The following RTN4 variants were observed in gnomAD, a reference collection of about 807,000 sequenced individuals.
RTN4 encodes the protein reticulon 4, also known as reticulon-4.
In RTN4, 32 loss-of-function variants were observed where a neutral mutation model predicts 90.4. The ratio of observed to expected loss-of-function variants is 0.35; its 90% CI spans 0.27 to 0.48. The LOEUF (loss-of-function observed/expected upper bound fraction) is 0.48, where lower values mean the gene tolerates loss of function less well. Ranked by LOEUF, RTN4 falls within the 20% of genes least tolerant of loss-of-function variation. RTN4 has a pLI of 0.99. For synonymous variants in RTN4, 629 were observed against 552.5 expected, an observed-to-expected ratio of 1.14 and a Z score of -1.94; for missense variants, 1,706 against 1,430.2, an observed-to-expected ratio of 1.19 and a Z score of -3.11.
chr2:55,036,030 C>G (rs2104915162), intron 1 of RTN4, among the ~76,000 whole-genome samples: 1 of 152,212 alleles, frequency 6.6e-6, no homozygotes, highest in African/African-American at 2.4e-5. Context: ...TATAAAACAT[C>G]TAATGAATAG....
intron 3 of RTN4, among the ~76,000 whole-genome samples, chr2:55,002,812 G>A (rs529657356): frequency 6.6e-6 from 1 of 152,142 alleles, no homozygotes; most frequent in African/African-American, 2.4e-5. Flanking sequence ...ATGTTAAAAT[G>A]AGAACTTCTC....
At chr2:54,974,061 G>A in intron 6 of RTN4, 194 bp from the exon 7 acceptor site, 1 of 519,828 alleles carries the variant, frequency 1.9e-6, no homozygotes. Context: ...GTGTGAGGCT[G>A]CAGTTATTAG....
chr2:55,049,368 C>T (rs1392200758), intron 1 of RTN4, among the ~76,000 whole-genome samples: 3 of 152,210 alleles, frequency 2.0e-5, no homozygotes, highest in Non-Finnish European at 2.9e-5. Flanking sequence ...CAAGGCCTTT[C>T]CTTCCTCACC....
chr2:55,060,663 A>C (rs1472122800), intron 2 of RTN4: 2 of 152,252 alleles, frequency 1.3e-5, no homozygotes. Flanking sequence ...GATCACAGCT[A>C]TAATCCCAGC....
intron 2 of RTN4, among the ~76,000 whole-genome samples, chr2:55,077,052 G>A (rs576753246): frequency 1.2e-4 from 18 of 147,002 alleles, no homozygotes; most frequent in South Asian, 1.1e-3. Context: ...TCGCTCTGTC[G>A]TCCAGGTTGC....
At chr2:54,987,225 T>C (rs1466650378) in intron 4 of RTN4, among the ~76,000 whole-genome samples, 1 of 152,210 alleles carries the variant, frequency 6.6e-6, no homozygotes, top group Non-Finnish European at 1.5e-5. Flanking sequence ...TCAAGTAAGA[T>C]AACCAATGCT....
chr2:54,995,240 T>TAA (rs1233226952), intron 3 of RTN4, among the ~76,000 whole-genome samples: 1 of 134,750 alleles, frequency 7.4e-6, no homozygotes, highest in Non-Finnish European at 1.6e-5. Context: ...ACCCTATCTC[T>TAA]AAAAAAAAAA....
rs773883459 is a variant in RTN4 at position 55,026,369 on chromosome 2, A to G, written c.1730T>C (p.Met577Thr). 2 of 1,613,914 alleles carry G rather than the reference A, an allele frequency of 1.2e-6. No homozygotes were observed. The highest frequency in any genetic ancestry group is 1.7e-6 in the Non-Finnish European group (2 of 1,179,888). The change falls in exon 3 of 9, where the codon ATG becomes ACG. Residue 577 changes from methionine to threonine, a missense_variant. Physicochemically the swap from Met to Thr is moderately conservative, Grantham distance 81. Coordinates refer to ENST00000337526, the MANE Select transcript of RTN4 (RefSeq NM_020532.5). ...AACTTCTGATGTTTGAACCAAGTCC[A>G]TTTTTGTTTCATAAGCAATCTTTGT... ...TGTKIAYETK[M>T]DLVQTSEVMQ...
chr2:55,019,292 C>G (rs1681258440), intron 3 of RTN4, among the ~76,000 whole-genome samples: 1 of 152,034 alleles, frequency 6.6e-6, no homozygotes, highest in African/African-American at 2.4e-5. Flanking sequence ...TTTCAACTCT[C>G]ATGGTAAAGA....
chr2:54,982,552 C>A lies in RTN4; in HGVS notation c.3323G>T (p.Arg1108Leu), dbSNP rs888288659. 1 of 1,612,862 alleles carries A rather than the reference C, an allele frequency of 6.2e-7. No homozygotes were observed. Among genetic ancestry groups the A allele is most frequent in the Non-Finnish European group, 8.5e-7 (1 of 1,179,642 alleles). The stretch of plus-strand genomic sequence containing the variant: ...AACTAAATCATCAACTAAGAAGAGG[C>A]GCCTGAGTTCCTTTATCGTGCAGTT... The part of the protein sequence containing the change: ...HVNCTIKELR[R>L]LFLVDDLVDS... The change falls in exon 5 of 9, where the codon CGC becomes CTC. Residue 1108 changes from arginine to leucine, a missense_variant. Arg to Leu is a moderately radical substitution (Grantham distance 102, BLOSUM62 -2). Transcript: ENST00000337526.
At chr2:55,038,705 T>G (rs1164323188) in intron 1 of RTN4, among the ~76,000 whole-genome samples, 1 of 152,196 alleles carries the variant, frequency 6.6e-6, no homozygotes, top group Non-Finnish European at 1.5e-5. Flanking sequence ...AGCAACTTCT[T>G]ATAAAGTTAA....
At chr2:55,059,387 T>C (rs1425441817) in intron 2 of RTN4, among the ~76,000 whole-genome samples, 9 of 152,000 alleles carry the variant, frequency 5.9e-5, no homozygotes, top group African/African-American at 2.2e-4. Flanking sequence ...ACAGTCTCAC[T>C]CTGTTGCCCA....
chr2:55,051,404 T>G (rs1221818765), upstream of RTN4, among the ~76,000 whole-genome samples: 1 of 152,220 alleles, frequency 6.6e-6, no homozygotes, highest in Admixed American at 6.5e-5. Flanking sequence ...TCAGGCTTTC[T>G]GGGAGTCAGG....
chr2:55,074,713 C>G (rs1668572138), intron 2 of RTN4, among the ~76,000 whole-genome samples: 1 of 151,994 alleles, frequency 6.6e-6, no homozygotes, highest in African/African-American at 2.4e-5. Flanking sequence ...AATGACATAT[C>G]AAGAAGATAA....
At chr2:55,054,564 A>G (rs1011185099), upstream of RTN4, among the ~76,000 whole-genome samples, 2 of 152,232 alleles carry the variant, frequency 1.3e-5, no homozygotes, top group African/African-American at 4.8e-5. Flanking sequence ...TGAATTATGT[A>G]TGCCCCTCAA....
At chr2:55,004,021 C>T (rs1680033230) in intron 3 of RTN4, among the ~76,000 whole-genome samples, 2 of 152,124 alleles carry the variant, frequency 1.3e-5, no homozygotes, top group South Asian at 4.1e-4. Context: ...ATTCTATTCT[C>T]TGCCTAGATA....
chr2:55,135,095 A>G, the RTN4 span, among the ~76,000 whole-genome samples: 6 of 152,180 alleles, frequency 3.9e-5, no homozygotes, highest in Admixed American at 3.9e-4. Context: ...GTGAGACTCC[A>G]TTTCTATTAA....
At chr2:55,019,935 T>G (rs539463406) in intron 3 of RTN4, among the ~76,000 whole-genome samples, 1 of 151,794 alleles carries the variant, frequency 6.6e-6, no homozygotes, top group Non-Finnish European at 1.5e-5. Flanking sequence ...AGAAATCAAG[T>G]AGGAAACTCC....
intron 2 of RTN4, among the ~76,000 whole-genome samples, chr2:55,062,715 A>G (rs1001122386): frequency 2.0e-5 from 3 of 152,216 alleles, no homozygotes; most frequent in African/African-American, 4.8e-5. Flanking sequence ...TTGTTCTTTC[A>G]TGGACAGAAG....
Sources: allele counts gnomAD v4.1 joint callset (sites outside exome capture counted in the v4.1 genomes callset), GRCh38; gene constraint gnomAD v4.1.1; transcripts MANE v1.5; gene names NCBI Gene and HGNC (gene_info 2026-07-23, HGNC 2026-07-21).